Variants in ACACB observed in about 807,000 individuals in gnomAD.
The protein encoded by ACACB is acetyl-CoA carboxylase 2.
ACACB carries 209 observed loss-of-function variants against 278.8 expected under a neutral mutation model. The observed-to-expected ratio is 0.75, with a 90% confidence interval of 0.67 to 0.84. The LOEUF is 0.84. Ranked by LOEUF, ACACB falls within the 40% of genes least tolerant of loss-of-function variation. ACACB has a pLI of 0.00. For synonymous variants in ACACB, 1,174 were observed against 1,285.6 expected, an observed-to-expected ratio of 0.91 and a Z score of 1.86; for missense variants, 2,850 against 3,269.0, an observed-to-expected ratio of 0.87 and a Z score of 3.13.
chr12:109,133,853 ATATATATATATTTT>A (rs1164824769), intron 1 of ACACB, among the ~76,000 whole-genome samples: 9 of 48,230 alleles, frequency 1.9e-4, no homozygotes, highest in African/African-American at 7.7e-4. Flanking sequence ...ATATATATAT[ATATATATATATTTT>A]TTTTTTTTTT....
chr12:109,226,954 T>C (rs999536033), intron 27 of ACACB, among the ~76,000 whole-genome samples: 8 of 151,466 alleles, frequency 5.3e-5, no homozygotes, highest in Non-Finnish European at 7.4e-5. Flanking sequence ...TAGAAATCTT[T>C]TTTTTTTTTT....
rs570865605 is a variant in ACACB, at chr12:109,264,122, C to A, written c.6788-110C>A. ...AGCTCAGACCTCTCACAAGGCAAGG[C>A]CTGTCCTGCAAATCCTGATTTGTGC... On this transcript the variant is annotated intron_variant, in intron 49 of 52. Coordinates refer to ENST00000338432, the MANE Select transcript of ACACB (RefSeq NM_001093.4). 74 of 1,268,118 alleles carry A rather than the reference C, an allele frequency of 5.8e-5. No individual in the cohort carries two copies. The African/African-American group carries it at 1.0e-3, about 17-fold the overall frequency. 78.6% of individuals were successfully genotyped at this position (1,268,118 alleles called of 1,614,324 possible). A position where few individuals can be genotyped will look rare whatever the true frequency, so the allele number is the denominator to read the frequency against.
chr12:109,223,700 T>C, intron 26 of ACACB, 115 bp from the exon 27 acceptor site: 1 of 931,568 alleles, frequency 1.1e-6, no homozygotes, highest in Admixed American at 1.8e-5. Context: ...AGTTTGAGGC[T>C]GCGGTGAGCT....
In ACACB at chr12:109,141,805, T is replaced by G. The variant is rs577275633; in HGVS notation, c.653+1747T>G. Among the ~76,000 whole-genome samples the G allele has an allele frequency of 2.0e-5, 3 of 152,264 alleles. No homozygotes were observed. The South Asian group carries it at 6.2e-4, about 32-fold the overall frequency. ...CTAGAAGGGTTAAGGGAAGAGAAAG[T>G]CTCAGAATCTAGTACAAAGAGCACA... is the stretch of plus-strand genomic sequence containing the variant. On this transcript the variant is annotated intron_variant, in intron 2 of 52. Coordinates refer to ENST00000338432, the MANE Select transcript of ACACB (RefSeq NM_001093.4).
In ACACB at chr12:109,158,006, A is replaced by C. The variant is rs544466249; in HGVS notation, c.654-8855A>C. On this transcript the variant is annotated intron_variant, in intron 2 of 52. Coordinates refer to ENST00000338432, the MANE Select transcript of ACACB (RefSeq NM_001093.4). ...GGGTTTTCACTCTTGGCTACACATT[A>C]GAATTTCCTGGTGGGGAGATTTTTG... is the stretch of plus-strand genomic sequence containing the variant. Among the ~76,000 whole-genome samples, 140 of 152,316 alleles carry C rather than the reference A, an allele frequency of 9.2e-4. 1 individual carries two copies. Among genetic ancestry groups the C allele is most frequent in the Admixed American group, 2.0e-3 (30 of 15,300 alleles).
intron 31 of ACACB, among the ~76,000 whole-genome samples, chr12:109,234,929 A>T (rs1235163780): frequency 7.0e-6 from 1 of 143,166 alleles, no homozygotes; most frequent in Non-Finnish European, 1.6e-5. Flanking sequence ...TTTTTAGAAG[A>T]AATAAGAAAA....
chr12:109,227,475 C>T lies in ACACB; in HGVS notation c.3987C>T (p.Ser1329=). The change falls in exon 28 of 53, where the codon TCC becomes TCT. Residue 1329 remains serine (S), a synonymous_variant. Coordinates refer to ENST00000338432, the MANE Select transcript of ACACB (RefSeq NM_001093.4). ...TAGAATTCCAGTTCATGCTGCCGTC[C>T]TCCCACCCAAACCGGTATGGAGTGG... ...CVVEFQFMLP[S]SHPNRMTVPI... 1 of 1,614,052 alleles carries T rather than the reference C, an allele frequency of 6.2e-7. No individual in the cohort carries two copies. The highest frequency in any genetic ancestry group is 1.1e-5 in the South Asian group (1 of 91,044).
intron 34 of ACACB, among the ~76,000 whole-genome samples, chr12:109,239,349 G>A (rs2046727895): frequency 1.3e-5 from 2 of 152,202 alleles, no homozygotes; most frequent in South Asian, 4.1e-4. Context: ...GGGCCACATG[G>A]GGAGGCTCTG....
chr12:109,257,530 AGTGTAGTAGC>A (rs2047260187), intron 45 of ACACB, among the ~76,000 whole-genome samples: 1 of 152,032 alleles, frequency 6.6e-6, no homozygotes, highest in East Asian at 1.9e-4. Context: ...TGTCTAGACC[AGTGTAGTAGC>A]TGCTGGCTAC....
chr12:109,123,295 T>G (rs187947889), intron 1 of ACACB, among the ~76,000 whole-genome samples: 56 of 152,298 alleles, frequency 3.7e-4, no homozygotes, highest in African/African-American at 1.3e-3. Context: ...CACCTGTAAA[T>G]TGCAGATATC....
intron 1 of ACACB, among the ~76,000 whole-genome samples, chr12:109,137,109 T>C (rs2042983051): frequency 6.6e-6 from 1 of 152,302 alleles, no homozygotes; most frequent in Middle Eastern, 3.4e-3. Flanking sequence ...GTGGTTTTTT[T>C]CCCTTTGTTC....
chr12:109,123,136 G>A (rs1046421787), intron 1 of ACACB, among the ~76,000 whole-genome samples: 2 of 149,076 alleles, frequency 1.3e-5, no homozygotes, highest in African/African-American at 2.5e-5. Context: ...AGCCGAGATC[G>A]CACCACTGCA....
chr12:109,246,452 C>A lies in ACACB; in HGVS notation c.5571+4C>A. On this transcript the variant is annotated splice_donor_region_variant and intron_variant, in intron 39 of 52. Coordinates refer to ENST00000338432, the MANE Select transcript of ACACB (RefSeq NM_001093.4). Reference sequence around the variant, plus strand: ...GGACCCAGAAGACCCCCACAAAGTACGTCGTGAAACTGGCGGGGCAGGGTG... The same window carrying A: ...GGACCCAGAAGACCCCCACAAAGTAAGTCGTGAAACTGGCGGGGCAGGGTG... The A allele has an allele frequency of 6.2e-7, 1 of 1,606,428 alleles. No individual in the cohort carries two copies. The highest frequency in any genetic ancestry group is 8.5e-7 in the Non-Finnish European group (1 of 1,173,870).
At chr12:109,113,325 TGCTGGATGTGGA>T (rs1480669289), upstream of ACACB, 3 of 152,288 alleles carry the variant, frequency 2.0e-5, no homozygotes, top group Admixed American at 6.5e-5. Context: ...AGGACCCACA[TGCTGGATGTGGA>T]GCTGGATGGT....
intron 27 of ACACB, 35 bp downstream of exon 27, chr12:109,223,939 A>T (rs769466531): frequency 3.2e-6 from 5 of 1,570,936 alleles, no homozygotes; most frequent in Non-Finnish European, 4.4e-6. Flanking sequence ...AGCACTGACC[A>T]TGCCAGTTCT....
chr12:109,117,893 C>T (rs1180967781), intron 1 of ACACB, among the ~76,000 whole-genome samples: 1 of 152,164 alleles, frequency 6.6e-6, no homozygotes, highest in Non-Finnish European at 1.5e-5. Context: ...ACTACAGGCA[C>T]CCACTACCAC....
chr12:109,133,901 GTTTT>G (rs36101609), intron 1 of ACACB, among the ~76,000 whole-genome samples: 3 of 93,196 alleles, frequency 3.2e-5, no homozygotes, highest in South Asian at 2.9e-4. Flanking sequence ...CAGCACACAG[GTTTT>G]TTTTTTTTCA....
At position 109,139,783 on chromosome 12, in the gene ACACB, G is replaced by A. The variant is rs149916132; in HGVS notation, c.378G>A (p.Glu126=). 1 of 1,614,102 alleles carries A rather than the reference G, an allele frequency of 6.2e-7. No individual in the cohort carries two copies. Among genetic ancestry groups the A allele is most frequent in the African/African-American group, 1.3e-5 (1 of 74,938 alleles). The change falls in exon 2 of 53, where the codon GAG becomes GAA. Residue 126 remains glutamate (E), a synonymous_variant. Transcript: ENST00000338432. ...ACGGGACTGGGACACAAGGTCTGGA[G>A]GCCACAGATACCAATGGCCTGTCCT... The part of the protein sequence containing the change: ...QANGTGTQGL[E]ATDTNGLSSS...
intron 51 of ACACB, 25 bp from the exon 52 acceptor site, chr12:109,265,364 G>C (rs1465404750): frequency 1.2e-6 from 2 of 1,612,716 alleles, no homozygotes; most frequent in Admixed American, 1.7e-5. Context: ...GTCCCTCTCT[G>C]AGGCATCCTC....
Sources: gnomAD v4.1 joint callset for allele counts (sites outside exome capture counted in the v4.1 genomes callset) on GRCh38, gnomAD v4.1.1 for gene constraint, MANE v1.5 for transcripts, NCBI Gene and HGNC (gene_info 2026-07-23, HGNC 2026-07-21) for gene names.